GPHN: variants seen among roughly 807,000 people sequenced by gnomAD.
The protein encoded by GPHN is gephyrin.
A neutral mutation model predicts 95.5 loss-of-function variants in GPHN; 17 were observed. That is an observed-to-expected ratio of 0.18 (90% CI 0.12 to 0.27). The LOEUF (loss-of-function observed/expected upper bound fraction) is 0.27. Ranked by LOEUF, GPHN falls within the 10% of genes least tolerant of loss-of-function variation. The pLI is 1.00. For synonymous variants in GPHN, 320 were observed against 322.5 expected, an observed-to-expected ratio of 0.99 and a Z score of 0.08; for missense variants, 660 against 978.1, an observed-to-expected ratio of 0.67 and a Z score of 4.34.
At chr14:66,880,145 A>T (rs1045158112) in intron 5 of GPHN, 112 bp downstream of exon 5, 2 of 737,500 alleles carry the variant, frequency 2.7e-6, no homozygotes, top group Non-Finnish European at 4.9e-6. Context: ...GCTAGTCCAC[A>T]TAAAGTTCTT....
chr14:66,815,762 G>A (rs1382423318), intron 3 of GPHN, among the ~76,000 whole-genome samples: 3 of 152,096 alleles, frequency 2.0e-5, no homozygotes, highest in Admixed American at 1.3e-4. Flanking sequence ...TGTCTGCAAA[G>A]TAACCAGCTA....
the GPHN span, among the ~76,000 whole-genome samples, chr14:67,399,268 C>G: frequency 1.3e-4 from 14 of 103,884 alleles, no homozygotes; most frequent in African/African-American, 4.9e-4. Context: ...AGAGAAGGGT[C>G]GTTTAGGTGG....
At chr14:67,097,796 G>A (rs1304379565) in intron 12 of GPHN, among the ~76,000 whole-genome samples, 1 of 151,906 alleles carries the variant, frequency 6.6e-6, no homozygotes, top group Non-Finnish European at 1.5e-5. Flanking sequence ...GGCTTTAAGA[G>A]TTTTATTTTA....
At chr14:66,867,718 A>G (rs1354805130) in intron 4 of GPHN, among the ~76,000 whole-genome samples, 1 of 152,204 alleles carries the variant, frequency 6.6e-6, no homozygotes, top group Non-Finnish European at 1.5e-5. Context: ...TACCTAATTT[A>G]TCTCCTCACT....
the GPHN span, among the ~76,000 whole-genome samples, chr14:67,365,202 G>A: frequency 4.6e-5 from 7 of 152,270 alleles, no homozygotes; most frequent in African/African-American, 1.7e-4. Context: ...AGTTTAATTA[G>A]TACATCCTAG....
chr14:67,110,242 A>G lies in GPHN; in HGVS notation c.1396A>G (p.Ile466Val), dbSNP rs763215102. The G allele has an allele frequency of 3.1e-6, 5 of 1,613,632 alleles. No individual in the cohort carries two copies. The highest frequency in any genetic ancestry group is 1.3e-5 in the African/African-American group (1 of 74,920). The change falls in exon 14 of 23, where the codon ATC (isoleucine) becomes GTC (valine). Residue 466 changes from isoleucine (I) to valine (V), a missense_variant. Physicochemically the swap from Ile to Val is conservative, Grantham distance 29. Transcript: ENST00000478722. ...AGTACAAGTGGAAGATACCGAACTT[A>G]TCAGGGAATCAGATGATGTACGTCA... is the stretch of plus-strand genomic sequence containing the variant. ...AVVQVEDTEL[I>V]RESDDGTEEL...
chr14:66,901,647 T>C (rs981650767), intron 5 of GPHN, among the ~76,000 whole-genome samples: 1 of 152,090 alleles, frequency 6.6e-6, no homozygotes, highest in South Asian at 2.1e-4. Context: ...TCCCCATTGT[T>C]TGTTTTTGGC....
the GPHN span, among the ~76,000 whole-genome samples, chr14:67,663,529 C>G: frequency 6.6e-6 from 1 of 151,822 alleles, no homozygotes; most frequent in Non-Finnish European, 1.5e-5. Flanking sequence ...AAAAAATTAG[C>G]CTGGTGTGGT....
intron 2 of GPHN, among the ~76,000 whole-genome samples, chr14:66,726,116 A>G (rs1033798313): frequency 2.0e-5 from 3 of 152,236 alleles, no homozygotes; most frequent in African/African-American, 7.2e-5. Flanking sequence ...GCATAAATTA[A>G]CAAATAGTGC....
chr14:67,625,967 A>G, the GPHN span, among the ~76,000 whole-genome samples: 1 of 152,162 alleles, frequency 6.6e-6, no homozygotes, highest in Non-Finnish European at 1.5e-5. Context: ...ATTTAAAACT[A>G]CAATGGCCGG....
chr14:67,060,307 A>G (rs2075775364), intron 11 of GPHN, among the ~76,000 whole-genome samples: 2 of 151,648 alleles, frequency 1.3e-5, no homozygotes. Context: ...TTTCCCATTC[A>G]TTTGTTCATC....
chr14:66,672,658 G>GC (rs914753431), intron 1 of GPHN, among the ~76,000 whole-genome samples: 1 of 152,004 alleles, frequency 6.6e-6, no homozygotes, highest in African/African-American at 2.4e-5. Context: ...ATAATATATT[G>GC]CCCCTCTTTA....
chr14:66,746,329 G>T (rs1433845203), intron 2 of GPHN, among the ~76,000 whole-genome samples: 4 of 152,116 alleles, frequency 2.6e-5, no homozygotes, highest in Non-Finnish European at 4.4e-5. Flanking sequence ...TTTGTATCCT[G>T]TATTACTTTA....
the GPHN span, among the ~76,000 whole-genome samples, chr14:67,663,826 G>C: frequency 6.6e-6 from 1 of 152,104 alleles, no homozygotes; most frequent in Non-Finnish European, 1.5e-5. Context: ...TAGTCAGCGG[G>C]GTGAGGTTCT....
At chr14:66,542,450 TTAC>T (rs2059385544) in intron 1 of GPHN, among the ~76,000 whole-genome samples, 1 of 152,186 alleles carries the variant, frequency 6.6e-6, no homozygotes, top group South Asian at 2.1e-4. Context: ...TAGACTCCTT[TTAC>T]TCTGTCTACC....
intron 12 of GPHN, 148 bp from the exon 13 acceptor site, chr14:67,100,708 T>A (rs2077652271): frequency 1.5e-6 from 1 of 681,942 alleles, no homozygotes; most frequent in East Asian, 2.8e-5. Context: ...ACAAAGCCAT[T>A]GTCAAGTCTA....
rs2079069712 is a variant in GPHN, at chr14:67,122,499, A to G, written c.1748+122A>G. 5.0e-6 allele frequency: 4 copies of G among 805,538 alleles called. No homozygotes were observed. In the Admixed American group the frequency reaches 6.3e-5, roughly 13 times the overall value. 49.9% of individuals were successfully genotyped at this position (805,538 alleles called of 1,614,324 possible). A position where few individuals can be genotyped will look rare whatever the true frequency, so the allele number is the denominator to read the frequency against. ...TAATGTCATAATTTTCACTTATCTC[A>G]TTCTTCAGAAGCCAAAGAATATTGA... On this transcript the variant is annotated intron_variant, in intron 17 of 22. Transcript: ENST00000478722.
chr14:67,383,241 G>C, the GPHN span: 1 of 1,495,680 alleles, frequency 6.7e-7, no homozygotes, highest in Non-Finnish European at 9.1e-7. Context: ...AAAACATTAG[G>C]CAGTAATAGT....
chr14:67,179,337 G>A (rs1286780200), intron 21 of GPHN, among the ~76,000 whole-genome samples: 1 of 152,184 alleles, frequency 6.6e-6, no homozygotes, highest in Non-Finnish European at 1.5e-5. Flanking sequence ...AGTGAGCTAT[G>A]ATCATGCCAC....
Sources: gnomAD v4.1 joint callset for allele counts (sites outside exome capture counted in the v4.1 genomes callset) on GRCh38, gnomAD v4.1.1 for gene constraint, MANE v1.5 for transcripts, NCBI Gene and HGNC (gene_info 2026-07-23, HGNC 2026-07-21) for gene names.